Variants in XNDC1N observed in about 807,000 individuals in gnomAD.
XNDC1N encodes XRCC1 N-terminal domain containing 1, N-terminal like.
At chr11:71,899,927 T>C in the XNDC1N span, among the ~76,000 whole-genome samples, 7 of 152,212 alleles carry the variant, frequency 4.6e-5, no homozygotes, top group Admixed American at 4.6e-4. Context: ...CGATTGTACA[T>C]TTGTTCAATT....
chr11:71,903,436 T>C, the XNDC1N span: 117 of 1,037,838 alleles, frequency 1.1e-4, no homozygotes, highest in East Asian at 2.5e-3. Flanking sequence ...AAGATGATTG[T>C]GGACATCCAG....
chr11:71,923,485 AG>A, the XNDC1N span: 1 of 638,208 alleles, frequency 1.6e-6, no homozygotes, highest in Non-Finnish European at 2.8e-6. Flanking sequence ...CCTGAAAAAG[AG>A]AACAGAAGAA....
At chr11:71,909,183 A>G in the XNDC1N span, among the ~76,000 whole-genome samples, 1 of 152,178 alleles carries the variant, frequency 6.6e-6, no homozygotes, top group African/African-American at 2.4e-5. Flanking sequence ...GCTTGCAGGG[A>G]TGAATCCATC....
At chr11:71,870,361 T>G in the XNDC1N span, among the ~76,000 whole-genome samples, 1 of 152,188 alleles carries the variant, frequency 6.6e-6, no homozygotes, top group South Asian at 2.1e-4. Context: ...AGCTCATTAC[T>G]CCGGGGCTGT....
the XNDC1N span, among the ~76,000 whole-genome samples, chr11:71,907,426 C>T: frequency 6.7e-6 from 1 of 148,662 alleles, no homozygotes; most frequent in African/African-American, 2.5e-5. Flanking sequence ...CGCAGGGGGG[C>T]GAGGAGCCCC....
the XNDC1N span, chr11:71,919,134 C>A: frequency 1.6e-6 from 1 of 640,040 alleles, no homozygotes; most frequent in African/African-American, 1.8e-5. Context: ...GTCATCCTAA[C>A]ATGATAGAAA....
the XNDC1N span, among the ~76,000 whole-genome samples, chr11:71,879,285 AT>A: frequency 0.36 from 53,842 of 149,622 alleles, 10,802 homozygotes; most frequent in South Asian, 0.49. Context: ...TACTTTTTGT[AT>A]GGTGAGAGTT....
the XNDC1N span, among the ~76,000 whole-genome samples, chr11:71,920,151 G>A: frequency 3.8e-3 from 562 of 148,708 alleles, 4 homozygotes; most frequent in African/African-American, 0.013. Context: ...AGTAGAGACG[G>A]GGTTTCACGT....
At chr11:71,910,477 C>T in the XNDC1N span, among the ~76,000 whole-genome samples, 18 of 152,154 alleles carry the variant, frequency 1.2e-4, no homozygotes, top group African/African-American at 2.9e-4. Flanking sequence ...TTCGGGGAGG[C>T]GTGGGCTCGA....
chr11:71,876,727 T>A, the XNDC1N span, among the ~76,000 whole-genome samples: 738 of 152,332 alleles, frequency 4.8e-3, 6 homozygotes, highest in African/African-American at 0.017. Context: ...TTTGTTCCCA[T>A]AAATTGTATT....
the XNDC1N span, among the ~76,000 whole-genome samples, chr11:71,902,233 C>T: frequency 2.0e-5 from 3 of 152,190 alleles, 1 homozygote; most frequent in Non-Finnish European, 4.4e-5. Context: ...CTCTCGTTGC[C>T]CAGGCTGGCG....
chr11:71,873,671 T>C, the XNDC1N span, among the ~76,000 whole-genome samples: 1 of 151,994 alleles, frequency 6.6e-6, no homozygotes, highest in African/African-American at 2.4e-5. Flanking sequence ...GAAATGTTTA[T>C]GGAAGAGCAA....
the XNDC1N span, chr11:71,928,276 G>C: frequency 5.2e-6 from 3 of 582,136 alleles, no homozygotes; most frequent in African/African-American, 3.8e-5. Flanking sequence ...AGCTCATCGG[G>C]AACAGGCTGC....
the XNDC1N span, among the ~76,000 whole-genome samples, chr11:71,877,705 A>G: frequency 6.6e-6 from 1 of 152,144 alleles, no homozygotes; most frequent in Non-Finnish European, 1.5e-5. Context: ...ACGGCACCCA[A>G]AGTATTCTGG....
the XNDC1N span, among the ~76,000 whole-genome samples, chr11:71,882,213 TAAA>T: frequency 7.0e-6 from 1 of 143,702 alleles, no homozygotes; most frequent in African/African-American, 2.5e-5. Flanking sequence ...TTTAAAATGT[TAAA>T]AAAAAAAAAA....
At chr11:71,907,337 G>A in the XNDC1N span, among the ~76,000 whole-genome samples, 8 of 151,458 alleles carry the variant, frequency 5.3e-5, no homozygotes, top group Admixed American at 2.6e-4. Context: ...GAGCCCCATC[G>A]CAGGGGGGTG....
At chr11:71,893,531 T>A in the XNDC1N span, 1 of 837,376 alleles carries the variant, frequency 1.2e-6, no homozygotes, top group Admixed American at 1.8e-5. Flanking sequence ...GATCCAGAAC[T>A]GCAGCCGCTC....
chr11:71,908,044 C>T, the XNDC1N span, among the ~76,000 whole-genome samples: 3 of 152,080 alleles, frequency 2.0e-5, no homozygotes, highest in African/African-American at 7.2e-5. Context: ...ACACCTACTG[C>T]GATATAGAAC....
chr11:71,872,665 T>C, the XNDC1N span, among the ~76,000 whole-genome samples: 1 of 151,994 alleles, frequency 6.6e-6, no homozygotes, highest in Non-Finnish European at 1.5e-5. Context: ...GAGGTGGAGC[T>C]TGCAGTGAGT....
Sources: gnomAD v4.1 joint callset for allele counts (sites outside exome capture counted in the v4.1 genomes callset) on GRCh38, gnomAD v4.1.1 for gene constraint, MANE v1.5 for transcripts, NCBI Gene and HGNC (gene_info 2026-07-23, HGNC 2026-07-21) for gene names.